LSAMP: variants seen among roughly 807,000 people sequenced by gnomAD.
LSAMP encodes limbic system-associated membrane protein.
LSAMP carries 7 observed loss-of-function variants against 38.6 expected under a neutral mutation model. That is an observed-to-expected ratio of 0.18 (90% CI 0.10 to 0.34). The LOEUF (loss-of-function observed/expected upper bound fraction) is 0.34. Ranked by LOEUF, LSAMP falls within the 10% of genes least tolerant of loss-of-function variation. LSAMP has a pLI of 1.00. For synonymous variants in LSAMP, 154 were observed against 166.8 expected (o/e 0.92, Z 0.59); for missense variants, 313 against 420.0 (o/e 0.75, Z 2.23).
At chr3:116,402,405 T>G (rs1444107276) in intron 1 of LSAMP, among the ~76,000 whole-genome samples, 1 of 152,294 alleles carries the variant, frequency 6.6e-6, no homozygotes, top group East Asian at 1.9e-4. Flanking sequence ...TACTTATACC[T>G]GTGCCACTCT....
intron 4 of LSAMP, among the ~76,000 whole-genome samples, chr3:115,848,629 G>A (rs999072585): frequency 3.3e-5 from 5 of 152,182 alleles, no homozygotes; most frequent in African/African-American, 9.7e-5. Context: ...ATTTAGAAAT[G>A]TCAGCTCCCC....
chr3:116,333,411 C>T (rs2047877423), intron 1 of LSAMP, among the ~76,000 whole-genome samples: 1 of 151,494 alleles, frequency 6.6e-6, no homozygotes. Flanking sequence ...TGGTGGTGGG[C>T]ATGTGTAATC....
intron 1 of LSAMP, among the ~76,000 whole-genome samples, chr3:116,207,363 G>T (rs1284715216): frequency 6.6e-6 from 1 of 151,994 alleles, no homozygotes; most frequent in Non-Finnish European, 1.5e-5. Flanking sequence ...TATCCAATTT[G>T]CCAGTCTGTG....
intron 3 of LSAMP, among the ~76,000 whole-genome samples, chr3:115,982,470 A>G (rs1263778360): frequency 1.3e-5 from 2 of 152,190 alleles, no homozygotes; most frequent in Non-Finnish European, 2.9e-5. Flanking sequence ...ATTTTAAATA[A>G]AAAGGGGAAA....
intron 3 of LSAMP, among the ~76,000 whole-genome samples, chr3:115,936,355 C>T (rs1471180569): frequency 6.6e-6 from 1 of 152,156 alleles, no homozygotes; most frequent in African/African-American, 2.4e-5. Context: ...CCTGACACTT[C>T]AGAAATTCAG....
At chr3:116,044,654 G>T (rs1051658145) in intron 2 of LSAMP, among the ~76,000 whole-genome samples, 12 of 149,984 alleles carry the variant, frequency 8.0e-5, no homozygotes, top group African/African-American at 2.7e-4. Flanking sequence ...CAAAACAAAA[G>T]AAGCAATCTT....
At chr3:115,829,459 C>G (rs1218112544) in intron 6 of LSAMP, among the ~76,000 whole-genome samples, 1 of 152,202 alleles carries the variant, frequency 6.6e-6, no homozygotes, top group Non-Finnish European at 1.5e-5. Context: ...TAAATTGGTG[C>G]TGACATGTCT....
chr3:115,987,011 GGT>G (rs2107636240), intron 3 of LSAMP, among the ~76,000 whole-genome samples: 1 of 152,198 alleles, frequency 6.6e-6, no homozygotes, highest in East Asian at 1.9e-4. Context: ...TGTGTATTTT[GGT>G]AAGACTGTGG....
At chr3:116,284,700 G>A (rs553754081) in intron 1 of LSAMP, among the ~76,000 whole-genome samples, 2 of 152,220 alleles carry the variant, frequency 1.3e-5, no homozygotes, top group South Asian at 4.1e-4. Context: ...CTGTATATAA[G>A]ACAGCCCACC....
At chr3:116,424,915 C>T (rs572147159) in intron 1 of LSAMP, among the ~76,000 whole-genome samples, 31 of 150,914 alleles carry the variant, frequency 2.1e-4, no homozygotes, top group Non-Finnish European at 3.8e-4. Flanking sequence ...CTGTAAATCA[C>T]AGCTTTATTG....
chr3:115,873,096 A>G (rs919009338), intron 3 of LSAMP, among the ~76,000 whole-genome samples: 4 of 152,124 alleles, frequency 2.6e-5, no homozygotes, highest in African/African-American at 9.7e-5. Context: ...CAGGCTGGGC[A>G]CAGTGGCTCA....
At chr3:116,068,036 AC>A (rs1245635116) in intron 2 of LSAMP, among the ~76,000 whole-genome samples, 1 of 152,146 alleles carries the variant, frequency 6.6e-6, no homozygotes, top group African/African-American at 2.4e-5. Context: ...AACCTAAGGT[AC>A]CCCAAAGTCT....
intron 1 of LSAMP, among the ~76,000 whole-genome samples, chr3:116,200,687 G>A (rs1018941886): frequency 3.9e-4 from 60 of 152,190 alleles, no homozygotes; most frequent in African/African-American, 1.4e-3. Context: ...ACAGGTTAAA[G>A]CTACATCTTG....
At chr3:116,215,172 A>C (rs1416224519) in intron 1 of LSAMP, among the ~76,000 whole-genome samples, 1 of 152,226 alleles carries the variant, frequency 6.6e-6, no homozygotes, top group Non-Finnish European at 1.5e-5. Flanking sequence ...AACGAAATAA[A>C]TAAACAAACA....
At chr3:116,321,439 G>A (rs987110749) in intron 1 of LSAMP, among the ~76,000 whole-genome samples, 1 of 152,090 alleles carries the variant, frequency 6.6e-6, no homozygotes, top group East Asian at 1.9e-4. Flanking sequence ...AATCATTACC[G>A]GATATTCACC....
At chr3:115,828,175 A>G (rs374483128) in intron 6 of LSAMP, among the ~76,000 whole-genome samples, 1 of 152,178 alleles carries the variant, frequency 6.6e-6, no homozygotes, top group Admixed American at 6.5e-5. Context: ...GTCAAAGAGA[A>G]CATGCATACG....
At chr3:115,904,524 A>T (rs1190293432) in intron 3 of LSAMP, among the ~76,000 whole-genome samples, 1 of 152,152 alleles carries the variant, frequency 6.6e-6, no homozygotes, top group Non-Finnish European at 1.5e-5. Flanking sequence ...AAAAATAGCA[A>T]CCAAACACTT....
At chr3:116,208,328 T>C (rs2046098875) in intron 1 of LSAMP, among the ~76,000 whole-genome samples, 1 of 151,126 alleles carries the variant, frequency 6.6e-6, no homozygotes, top group East Asian at 2.0e-4. Context: ...GTTTTAAACT[T>C]CTTTGCCTTT....
At chr3:116,252,669 A>T (rs1489247596) in intron 1 of LSAMP, among the ~76,000 whole-genome samples, 1 of 152,258 alleles carries the variant, frequency 6.6e-6, no homozygotes, top group South Asian at 2.1e-4. Context: ...TCAGCAAAGT[A>T]AATATTTCAG....
Sources: allele counts gnomAD v4.1 joint callset (sites outside exome capture counted in the v4.1 genomes callset), GRCh38; gene constraint gnomAD v4.1.1; transcripts MANE v1.5; gene names NCBI Gene and HGNC (gene_info 2026-07-23, HGNC 2026-07-21).